NPFFR2: variants seen among roughly 807,000 people sequenced by gnomAD.
NPFFR2 encodes the protein G-protein coupled receptor 74.
NPFFR2 carries 15 observed loss-of-function variants against 13.1 expected under a neutral mutation model. That is an observed-to-expected ratio of 1.15 (90% confidence interval 0.77 to 1.76). The LOEUF (loss-of-function observed/expected upper bound fraction) is 1.76. NPFFR2 is among the 40% of genes most tolerant of loss of function. The probability of loss-of-function intolerance (pLI) is 0.00; values close to 1 mark genes in which losing one functional copy is unlikely to be tolerated. For synonymous variants in NPFFR2, 190 were observed against 175.7 expected (o/e 1.08, Z -0.65); for missense variants, 572 against 503.5 (o/e 1.14, Z -1.30).
chr4:72,141,537 C>T (rs1722623955), intron 3 of NPFFR2, among the ~76,000 whole-genome samples: 1 of 152,178 alleles, frequency 6.6e-6, no homozygotes, highest in African/African-American at 2.4e-5. Context: ...CATTCAGGAG[C>T]AGGTTGTTCA....
chr4:72,103,752 C>T (rs1475857011), intron 1 of NPFFR2, among the ~76,000 whole-genome samples: 1 of 151,854 alleles, frequency 6.6e-6, no homozygotes, highest in Admixed American at 6.6e-5. Flanking sequence ...AAAATGTTAC[C>T]CATTAATGAT....
chr4:72,090,305 G>C (rs1054733132), intron 1 of NPFFR2, among the ~76,000 whole-genome samples: 5 of 152,026 alleles, frequency 3.3e-5, no homozygotes, highest in Non-Finnish European at 7.4e-5. Flanking sequence ...TGGCTATGCA[G>C]GGTCTTTTTT....
At chr4:72,051,142 T>C (rs1285858703) in intron 1 of NPFFR2, among the ~76,000 whole-genome samples, 5 of 151,886 alleles carry the variant, frequency 3.3e-5, no homozygotes, top group African/African-American at 1.2e-4. Context: ...ATGGGATGGC[T>C]GGGTCAAATG....
chr4:72,102,304 G>A (rs1364255750), intron 1 of NPFFR2, among the ~76,000 whole-genome samples: 2 of 152,088 alleles, frequency 1.3e-5, no homozygotes, highest in East Asian at 3.9e-4. Context: ...ATGCTAAACT[G>A]TGGGAAAGTA....
intron 1 of NPFFR2, among the ~76,000 whole-genome samples, chr4:72,079,019 A>G (rs1366985933): frequency 6.6e-6 from 1 of 151,330 alleles, no homozygotes; most frequent in Non-Finnish European, 1.5e-5. Context: ...TCATGGTCAA[A>G]GAATCTACAT....
chr4:72,130,134 G>T (rs1722190416), intron 2 of NPFFR2, among the ~76,000 whole-genome samples: 1 of 151,860 alleles, frequency 6.6e-6, no homozygotes. Flanking sequence ...AGTCTCCTAT[G>T]TCTACTTCTT....
At chr4:72,053,639 T>C (rs1019510823) in intron 1 of NPFFR2, among the ~76,000 whole-genome samples, 5 of 151,938 alleles carry the variant, frequency 3.3e-5, no homozygotes, top group African/African-American at 1.2e-4. Context: ...AAATTGACTT[T>C]ATATCTTGAG....
At chr4:72,077,873 A>G (rs1720491671) in intron 1 of NPFFR2, among the ~76,000 whole-genome samples, 1 of 152,110 alleles carries the variant, frequency 6.6e-6, no homozygotes, top group African/African-American at 2.4e-5. Flanking sequence ...TTGCCTCAAC[A>G]AATTTTTACT....
intron 3 of NPFFR2, among the ~76,000 whole-genome samples, chr4:72,139,696 C>T (rs975910178): frequency 2.0e-5 from 3 of 152,150 alleles, no homozygotes; most frequent in Non-Finnish European, 4.4e-5. Context: ...TAGCATGATG[C>T]CTACAGCTTG....
intron 1 of NPFFR2, chr4:72,069,028 G>A: frequency 3.0e-6 from 3 of 998,530 alleles, no homozygotes; most frequent in Non-Finnish European, 4.2e-6. Flanking sequence ...TGCTATGTAA[G>A]TATTCTAATA....
chr4:72,133,240 T>A (rs529189792), intron 2 of NPFFR2, among the ~76,000 whole-genome samples: 1 of 152,272 alleles, frequency 6.6e-6, no homozygotes, highest in South Asian at 2.1e-4. Flanking sequence ...TATCCCAGCA[T>A]GATTTATTAA....
At chr4:72,078,112 A>G (rs1214416538) in intron 1 of NPFFR2, among the ~76,000 whole-genome samples, 3 of 152,086 alleles carry the variant, frequency 2.0e-5, no homozygotes, top group Admixed American at 6.6e-5. Context: ...TTTGTTCCAT[A>G]GTAGATGCCA....
chr4:72,110,827 A>G (rs1482681552), intron 1 of NPFFR2, among the ~76,000 whole-genome samples: 2 of 151,970 alleles, frequency 1.3e-5, no homozygotes, highest in East Asian at 3.9e-4. Flanking sequence ...ACCTTCCTGC[A>G]TCACCACCCT....
chr4:72,043,501 A>T (rs1239042508), intron 1 of NPFFR2, among the ~76,000 whole-genome samples: 5 of 152,360 alleles, frequency 3.3e-5, no homozygotes, highest in African/African-American at 4.8e-5. Flanking sequence ...ACAGGGGTGG[A>T]GCTTGCCAAG....
chr4:72,128,885 C>T lies in NPFFR2; in HGVS notation c.294C>T (p.Cys98=). Residue 98 remains cysteine, a synonymous_variant, in exon 2 of 4, where the codon TGC becomes TGT. Coordinates refer to ENST00000308744, the MANE Select transcript of NPFFR2 (RefSeq NM_004885.3). ...AISDLLVGIF[C]MPITLLDNII... is the part of the protein sequence containing the mutation. ...GTGATTTACTAGTTGGCATATTCTG[C>T]ATGCCTATAACACTGCTGGACAATA... The T allele has an allele frequency of 1.2e-6, 2 of 1,613,564 alleles. No individual in the cohort carries two copies. The highest frequency in any genetic ancestry group is 8.5e-7 in the Non-Finnish European group (1 of 1,179,508).
Position 72,095,987 on chromosome 4 carries a change from T to G in NPFFR2, c.-7-32598T>G, listed in dbSNP as rs181266610. On this transcript the variant is annotated intron_variant, in intron 1 of 3. Coordinates refer to ENST00000308744, the MANE Select transcript of NPFFR2 (RefSeq NM_004885.3). The stretch of plus-strand genomic sequence containing the variant: ...TTTTAGAAATAATTGTTTCAATATA[T>G]TTTGTTCATTATTTGTTTGTTTCAG... 2.3e-3 allele frequency among the ~76,000 whole-genome samples: 347 copies of G among 152,318 alleles called. 2 individuals carry two copies. Among genetic ancestry groups the G allele is most frequent in the African/African-American group, 8.2e-3 (340 of 41,562 alleles).
intron 1 of NPFFR2, among the ~76,000 whole-genome samples, chr4:72,083,501 C>G: frequency 1.1e-5 from 1 of 87,070 alleles, no homozygotes; most frequent in Non-Finnish European, 2.3e-5. Flanking sequence ...TCAGTGACAA[C>G]TGTCTCCTTT....
intron 1 of NPFFR2, among the ~76,000 whole-genome samples, chr4:72,045,633 A>C (rs2109759595): frequency 6.6e-6 from 1 of 152,326 alleles, no homozygotes; most frequent in Non-Finnish European, 1.5e-5. Context: ...GCCTACCAGA[A>C]ACATGCTCAG....
intron 1 of NPFFR2, among the ~76,000 whole-genome samples, chr4:72,071,698 C>CA (rs1720261852): frequency 1.3e-5 from 2 of 152,176 alleles, no homozygotes; most frequent in Admixed American, 6.5e-5. Flanking sequence ...CCTGGGTGCA[C>CA]AAAAAGGACC....
Sources: allele counts gnomAD v4.1 joint callset (sites outside exome capture counted in the v4.1 genomes callset), GRCh38; gene constraint gnomAD v4.1.1; transcripts MANE v1.5; gene names NCBI Gene and HGNC (gene_info 2026-07-23, HGNC 2026-07-21).